PRKN: variants seen among roughly 807,000 people sequenced by gnomAD.
The protein encoded by PRKN is E3 ubiquitin-protein ligase parkin.
PRKN carries 56 observed loss-of-function variants against 59.5 expected under a neutral mutation model. The observed-to-expected ratio is 0.94, with a 90% CI of 0.76 to 1.18. PRKN has a LOEUF of 1.18. PRKN is among the 50% of genes most tolerant of loss of function. The pLI, the probability that PRKN is intolerant of heterozygous loss-of-function variation, is 0.00. For missense variants in PRKN, 657 were observed against 596.4 expected (o/e 1.10, Z -1.06); for synonymous variants, 250 against 222.1 (o/e 1.13, Z -1.12).
At chr6:162,696,336 A>T (rs1777965742) in intron 1 of PRKN, among the ~76,000 whole-genome samples, 1 of 152,080 alleles carries the variant, frequency 6.6e-6, no homozygotes, top group Non-Finnish European at 1.5e-5. Context: ...ACGCTCAAGA[A>T]AGGAGGAAGG....
At chr6:162,694,421 C>T (rs1777898555) in intron 1 of PRKN, among the ~76,000 whole-genome samples, 1 of 152,056 alleles carries the variant, frequency 6.6e-6, no homozygotes, top group African/African-American at 2.4e-5. Flanking sequence ...AGGAGTAGCA[C>T]ACACAGTATG....
chr6:161,421,681 A>G (rs1274519895), intron 9 of PRKN, among the ~76,000 whole-genome samples: 2 of 121,058 alleles, frequency 1.7e-5, no homozygotes, highest in African/African-American at 3.6e-5. Context: ...AAGAGACTAC[A>G]TTAGATATTT....
At chr6:161,640,720 A>T (rs1448919059) in intron 7 of PRKN, among the ~76,000 whole-genome samples, 1 of 152,158 alleles carries the variant, frequency 6.6e-6, no homozygotes, top group Admixed American at 6.5e-5. Flanking sequence ...GAAACTATTC[A>T]GGCTGGTGGC....
At position 161,446,650 on chromosome 6, in the gene PRKN, A is replaced by G. The variant is rs1348648888; in HGVS notation, c.1084-59773T>C. 3.3e-5 allele frequency among the ~76,000 whole-genome samples: 5 copies of G among 152,158 alleles called. No individual in the cohort carries two copies. Among genetic ancestry groups the G allele is most frequent in the Non-Finnish European group, 7.4e-5 (5 of 68,026 alleles). ...ACTAAATGCAGCCTCTTTTCTACCC[A>G]TGATTTATTAGACCTCCCCTTTCTA... On this transcript the variant is annotated intron_variant, in intron 9 of 11. Coordinates refer to ENST00000366898, the MANE Select transcript of PRKN (RefSeq NM_004562.3). This position sits in a 1 kb window ranked among gnomAD's most constrained non-coding sequence, Gnocchi z 6.2.
At position 161,352,726 on chromosome 6, in the gene PRKN, AGT is replaced by A. The variant is rs373703677; in HGVS notation, c.1286-2517_1286-2516del. ...TATATAAACACAAATATGTATGAAG[AGT>A]GTGTGTGTGTGTGTGTGTGTGTGTG... On this transcript the variant is annotated intron_variant, in intron 11 of 11. Transcript: ENST00000366898. This position sits in a 1 kb window ranked among gnomAD's most constrained non-coding sequence, Gnocchi z 5.8. Among the ~76,000 whole-genome samples the A allele has an allele frequency of 0.011, 1,384 of 128,436 alleles. 9 individuals carry two copies. Among genetic ancestry groups the A allele is most frequent in the South Asian group, 0.032 (117 of 3,688 alleles). 84.3% of individuals were successfully genotyped at this position (128,436 alleles called of 152,430 possible).
intron 5 of PRKN, among the ~76,000 whole-genome samples, chr6:162,028,183 C>G (rs1443390178): frequency 6.6e-6 from 1 of 152,164 alleles, no homozygotes; most frequent in Admixed American, 6.5e-5. Flanking sequence ...CGTATTTTAT[C>G]TAAAACATGG....
At chr6:161,861,134 C>A (rs2155483) in intron 6 of PRKN, among the ~76,000 whole-genome samples, 1 of 151,946 alleles carries the variant, frequency 6.6e-6, no homozygotes. Context: ...TGCACACGTA[C>A]GTTTATTGCA....
chr6:162,512,641 T>C (rs1390775945), intron 1 of PRKN, among the ~76,000 whole-genome samples: 1 of 152,186 alleles, frequency 6.6e-6, no homozygotes, highest in East Asian at 1.9e-4. Flanking sequence ...ATCAAAATTA[T>C]GAGCATGCAC....
Position 161,369,367 on chromosome 6 carries a change from C to T in PRKN, c.1168-9162G>A, listed in dbSNP as rs192498290. On this transcript the variant is annotated intron_variant, in intron 10 of 11. Coordinates refer to ENST00000366898, the MANE Select transcript of PRKN (RefSeq NM_004562.3). This position sits in a 1 kb window ranked among gnomAD's most constrained non-coding sequence, Gnocchi z 5.8. ...AAATGCCCTAAGGGGTTGCGAGGGGCGGGAGGTTTGGGAACCATTCATCCT... is the reference window on the plus strand; with the variant it reads ...AAATGCCCTAAGGGGTTGCGAGGGGTGGGAGGTTTGGGAACCATTCATCCT... Among the ~76,000 whole-genome samples, 15 of 152,166 alleles carry T rather than the reference C, an allele frequency of 9.9e-5. No homozygotes were observed. The highest frequency in any genetic ancestry group is 3.4e-4 in the African/African-American group (14 of 41,532).
chr6:162,184,725 T>C (rs1037643130), intron 4 of PRKN, among the ~76,000 whole-genome samples: 3 of 152,154 alleles, frequency 2.0e-5, no homozygotes, highest in Non-Finnish European at 4.4e-5. Flanking sequence ...CCAGCCTCCT[T>C]TGACTTCCCT....
Position 162,527,398 on chromosome 6 carries a change from AT to A in PRKN, c.8-83926del, listed in dbSNP as rs999763903. 2.2e-4 allele frequency among the ~76,000 whole-genome samples: 34 copies of A among 151,960 alleles called. No homozygotes were observed. In the South Asian group the frequency reaches 5.4e-3, roughly 24 times the overall value. ...AAATCCAAAATAAGTACATTCGAGGATTTTTTTTTCCACAAAATAAAATAGT... is the reference window on the plus strand; with the variant it reads ...AAATCCAAAATAAGTACATTCGAGGATTTTTTTTCCACAAAATAAAATAGT... On this transcript the variant is annotated intron_variant, in intron 1 of 11. Transcript: ENST00000366898.
At chr6:161,693,235 ATAGATC>A (rs1246394134) in intron 7 of PRKN, among the ~76,000 whole-genome samples, 2 of 152,328 alleles carry the variant, frequency 1.3e-5, no homozygotes, top group East Asian at 3.9e-4. Context: ...CAATACCAAC[ATAGATC>A]TCTTTGTTCG....
At chr6:161,704,954 C>T (rs1786419108) in intron 7 of PRKN, among the ~76,000 whole-genome samples, 1 of 152,150 alleles carries the variant, frequency 6.6e-6, no homozygotes, top group South Asian at 2.1e-4. Flanking sequence ...TGGGCTCCAT[C>T]CCAAATATCC....
chr6:161,617,736 A>C (rs7750957), intron 7 of PRKN, among the ~76,000 whole-genome samples: 27,924 of 152,262 alleles, frequency 0.18, 3,303 homozygotes, highest in East Asian at 0.52. Context: ...CTAATAGATT[A>C]TACAATAGAT....
intron 7 of PRKN, among the ~76,000 whole-genome samples, chr6:161,676,602 C>T (rs946709003): frequency 7.2e-5 from 11 of 152,172 alleles, no homozygotes; most frequent in Admixed American, 2.0e-4. Flanking sequence ...TTTTGTGCTG[C>T]GACAGCGTGG....
intron 5 of PRKN, among the ~76,000 whole-genome samples, chr6:162,005,884 T>A (rs1782233307): frequency 6.6e-6 from 1 of 152,136 alleles, no homozygotes; most frequent in Non-Finnish European, 1.5e-5. Context: ...TTTAATCCTA[T>A]AATCTGAGTC....
chr6:162,404,057 G>A (rs1461325662), intron 2 of PRKN, among the ~76,000 whole-genome samples: 1 of 152,124 alleles, frequency 6.6e-6, no homozygotes, highest in Non-Finnish European at 1.5e-5. Context: ...GCAATTTGCT[G>A]CTTCATCTGT....
intron 3 of PRKN, among the ~76,000 whole-genome samples, chr6:162,246,372 C>T (rs1334891914): frequency 6.6e-6 from 1 of 152,068 alleles, no homozygotes; most frequent in Non-Finnish European, 1.5e-5. Flanking sequence ...GAAAGCAAAC[C>T]TACAACACCT....
At chr6:162,474,053 T>G (rs535134178) in intron 1 of PRKN, among the ~76,000 whole-genome samples, 21 of 152,194 alleles carry the variant, frequency 1.4e-4, no homozygotes, top group Non-Finnish European at 2.9e-4. Flanking sequence ...GATTCCAGGA[T>G]AGCTGATTTG....
Sources: allele counts gnomAD v4.1 joint callset (sites outside exome capture counted in the v4.1 genomes callset), GRCh38; gene constraint gnomAD v4.1.1; non-coding constraint Gnocchi (gnomAD v3.1); transcripts MANE v1.5; gene names NCBI Gene and HGNC (gene_info 2026-07-23, HGNC 2026-07-21).